AAK1: variants seen among roughly 807,000 people sequenced by gnomAD.
The protein encoded by AAK1 is AP2-associated protein kinase 1.
AAK1 carries 37 observed loss-of-function variants against 116.0 expected under a neutral mutation model. The observed-to-expected ratio is 0.32, with a 90% CI of 0.25 to 0.42. The LOEUF (loss-of-function observed/expected upper bound fraction) is 0.42. AAK1 is among the 10% of genes least tolerant of loss of function. The pLI is 1.00. For missense variants in AAK1, 919 were observed against 1,170.6 expected, an observed-to-expected ratio of 0.79 and a Z score of 3.14; for synonymous variants, 458 against 439.9, an observed-to-expected ratio of 1.04 and a Z score of -0.51.
At chr2:69,640,048 C>CACAT (rs1675639749) in intron 2 of AAK1, among the ~76,000 whole-genome samples, 1 of 125,336 alleles carries the variant, frequency 8.0e-6, no homozygotes, top group African/African-American at 3.2e-5. Flanking sequence ...CACACACACA[C>CACAT]ACACACTCTC....
intron 2 of AAK1, among the ~76,000 whole-genome samples, chr2:69,586,447 G>A (rs1211160123): frequency 6.6e-6 from 1 of 152,142 alleles, no homozygotes; most frequent in African/African-American, 2.4e-5. Flanking sequence ...GCCTGGCAAT[G>A]ACAATATTCA....
In AAK1 at chr2:69,467,366, T is replaced by C; in HGVS notation, c.*8503A>G. 4 of 985,418 alleles carry C rather than the reference T, an allele frequency of 4.1e-6. No individual in the cohort carries two copies. The highest frequency in any genetic ancestry group is 1.7e-5 in the African/African-American group (1 of 57,358). The allele number at this position is 985,418 out of a possible 1,614,324, so 61.0% of individuals were successfully genotyped here. On this transcript the variant is annotated 3_prime_UTR_variant, in exon 22 of 22. Transcript: ENST00000409085. ...TCTAGGTAGAGGTGCCTCAGGGTGC[T>C]CTGGCTTTTAAAATCAAATAGACAA...
At chr2:69,498,936 A>T (rs1675864175) in intron 16 of AAK1, among the ~76,000 whole-genome samples, 1 of 152,228 alleles carries the variant, frequency 6.6e-6, no homozygotes, top group Non-Finnish European at 1.5e-5. Context: ...CAATAGGGAC[A>T]GACTGGGGTG....
At chr2:69,529,549 G>A (rs2105020879) in intron 8 of AAK1, among the ~76,000 whole-genome samples, 1 of 152,288 alleles carries the variant, frequency 6.6e-6, no homozygotes, top group South Asian at 2.1e-4. Flanking sequence ...AAAATCCAGT[G>A]ATTAACCTAA....
chr2:69,597,979 G>A (rs1440388556), intron 2 of AAK1: 1 of 318,972 alleles, frequency 3.1e-6, no homozygotes, highest in Non-Finnish European at 5.7e-6. Context: ...AAAAAAAAGT[G>A]TTGGTGGAGA....
intron 2 of AAK1, among the ~76,000 whole-genome samples, chr2:69,570,129 G>A (rs1219241029): frequency 6.6e-6 from 1 of 151,906 alleles, no homozygotes; most frequent in Admixed American, 6.6e-5. Flanking sequence ...TTTATAATTT[G>A]AATATTGCCC....
chr2:69,473,387 G>T lies in AAK1; in HGVS notation c.*2482C>A. On this transcript the variant is annotated 3_prime_UTR_variant, in exon 22 of 22. Transcript: ENST00000409085. ...TAAACTCTTTCAGCTCAGGGATGAT[G>T]CTCTAAACCAAGGAAGGCTCCGTTT... 1.0e-6 allele frequency: 1 copy of T among 985,480 alleles called. No individual in the cohort carries two copies. Among genetic ancestry groups the T allele is most frequent in the Non-Finnish European group, 1.2e-6 (1 of 829,952 alleles). 61.0% of individuals were successfully genotyped at this position (985,480 alleles called of 1,614,324 possible). A position where few individuals can be genotyped will look rare whatever the true frequency, so the allele number is the denominator to read the frequency against.
chr2:69,602,511 A>G (rs1673624020), intron 2 of AAK1, among the ~76,000 whole-genome samples: 1 of 152,248 alleles, frequency 6.6e-6, no homozygotes, highest in Admixed American at 6.5e-5. Flanking sequence ...GTAGCAAAAT[A>G]TTAACCATCG....
Position 69,475,503 on chromosome 2 carries a change from T to G in AAK1, c.*366A>C. On this transcript the variant is annotated 3_prime_UTR_variant, in exon 22 of 22. Transcript: ENST00000409085. ...GAGAATTGATCTGGGAGGCCATTCC[T>G]AGCAAGAACGAGACAAAAGTGTCAA... 1 of 1,031,030 alleles carries G rather than the reference T, an allele frequency of 9.7e-7. No homozygotes were observed. The highest frequency in any genetic ancestry group is 1.2e-6 in the Non-Finnish European group (1 of 857,498). 63.9% of individuals were successfully genotyped at this position (1,031,030 alleles called of 1,614,324 possible).
intron 11 of AAK1, 131 bp from the exon 12 acceptor site, chr2:69,519,371 G>T: frequency 1.6e-6 from 2 of 1,262,110 alleles, no homozygotes; most frequent in Non-Finnish European, 2.1e-6. Flanking sequence ...CCTCCTCACT[G>T]TCTTTCCACA....
intron 16 of AAK1, among the ~76,000 whole-genome samples, chr2:69,505,288 G>A (rs1676140334): frequency 6.6e-6 from 1 of 152,132 alleles, no homozygotes. Context: ...TTTAAGACGT[G>A]CCTGTGGACT....
chr2:69,497,873 C>G (rs1675811363), intron 16 of AAK1, among the ~76,000 whole-genome samples: 1 of 152,118 alleles, frequency 6.6e-6, no homozygotes. Flanking sequence ...GTACCGCGGC[C>G]CTAGGCTCCT....
intron 8 of AAK1, among the ~76,000 whole-genome samples, chr2:69,529,583 C>G (rs6718376): frequency 6.6e-6 from 1 of 152,022 alleles, no homozygotes; most frequent in African/African-American, 2.4e-5. Flanking sequence ...CCTGGTTCCA[C>G]GGAGTTATAT....
rs1674268649 is a variant in AAK1 at position 69,458,653 on chromosome 2, C to T, written c.*17216G>A. 6.6e-6 allele frequency: 1 copy of T among 152,380 alleles called. No individual in the cohort carries two copies. The highest frequency in any genetic ancestry group is 6.6e-5 in the Admixed American group (1 of 15,240). 9.4% of individuals were successfully genotyped at this position (152,380 alleles called of 1,614,324 possible). On this transcript the variant is annotated 3_prime_UTR_variant, in exon 22 of 22. Coordinates refer to ENST00000409085, the MANE Select transcript of AAK1 (RefSeq NM_014911.5). ...TCACTTCTCAGTACTCTTTGGATAC[C>T]TTTATTAGGAGAGCTTGAATTAACA...
At chr2:69,524,756 C>T (rs901746148) in intron 10 of AAK1, among the ~76,000 whole-genome samples, 3 of 152,204 alleles carry the variant, frequency 2.0e-5, no homozygotes, top group Non-Finnish European at 4.4e-5. Context: ...TTAAAGTCTG[C>T]TGTTGCCTCA....
chr2:69,475,999 T>C (rs879126528), intron 21 of AAK1, 36 bp from the exon 22 acceptor site: 8 of 1,590,586 alleles, frequency 5.0e-6, no homozygotes, highest in Non-Finnish European at 6.8e-6. Flanking sequence ...GTACAAAACA[T>C]AGAGGGTTAA....
At chr2:69,550,520 G>T (rs930683790) in intron 3 of AAK1, among the ~76,000 whole-genome samples, 9 of 151,712 alleles carry the variant, frequency 5.9e-5, no homozygotes, top group Non-Finnish European at 1.2e-4. Context: ...GGCCAGGATG[G>T]TCTCATCTCT....
intron 2 of AAK1, among the ~76,000 whole-genome samples, chr2:69,590,105 A>C (rs1261076319): frequency 1.3e-5 from 2 of 152,194 alleles, no homozygotes; most frequent in East Asian, 3.8e-4. Flanking sequence ...CTTCACTACC[A>C]CTGCATGAGC....
In AAK1 at chr2:69,469,520, A is replaced by C; in HGVS notation, c.*6349T>G. The C allele has an allele frequency of 2.0e-6, 2 of 985,452 alleles. No homozygotes were observed. The highest frequency in any genetic ancestry group is 2.4e-6 in the Non-Finnish European group (2 of 829,938). 61.0% of individuals were successfully genotyped at this position (985,452 alleles called of 1,614,324 possible). ...GAAGCAGTCTCTTTACTAGCATTGA[A>C]GGATTTATACTAACCTAACCACATG... On this transcript the variant is annotated 3_prime_UTR_variant, in exon 22 of 22. Coordinates refer to ENST00000409085, the MANE Select transcript of AAK1 (RefSeq NM_014911.5).
Sources: gnomAD v4.1 joint callset for allele counts (sites outside exome capture counted in the v4.1 genomes callset) on GRCh38, gnomAD v4.1.1 for gene constraint, MANE v1.5 for transcripts, NCBI Gene and HGNC (gene_info 2026-07-23, HGNC 2026-07-21) for gene names.